EDIL3: variants seen among roughly 807,000 people sequenced by gnomAD.
EDIL3 encodes EGF like and discoidin domains 3.
EDIL3 carries 37 observed loss-of-function variants against 67.4 expected under a neutral mutation model. That is an observed-to-expected ratio of 0.55 (90% CI 0.42 to 0.72). The LOEUF (loss-of-function observed/expected upper bound fraction) is 0.72, where lower values mean the gene tolerates loss of function less well. Ranked by LOEUF, EDIL3 falls within the 30% of genes least tolerant of loss-of-function variation. The pLI is 0.00. For synonymous variants in EDIL3, 195 were observed against 196.3 expected, an observed-to-expected ratio of 0.99 and a Z score of 0.05; for missense variants, 527 against 586.3, an observed-to-expected ratio of 0.90 and a Z score of 1.04.
intron 6 of EDIL3, among the ~76,000 whole-genome samples, chr5:84,097,486 T>C (rs1427214951): frequency 6.6e-6 from 1 of 152,210 alleles, no homozygotes; most frequent in African/African-American, 2.4e-5. Context: ...TGTTTGGATA[T>C]AATATAATTC....
chr5:84,276,935 C>G (rs1260133593), intron 1 of EDIL3, among the ~76,000 whole-genome samples: 1 of 152,080 alleles, frequency 6.6e-6, no homozygotes, highest in Non-Finnish European at 1.5e-5. Flanking sequence ...ATAGCACACT[C>G]AAAGAATAAA....
At chr5:83,970,364 T>A (rs1580258351) in intron 9 of EDIL3, among the ~76,000 whole-genome samples, 1 of 148,218 alleles carries the variant, frequency 6.7e-6, no homozygotes, top group East Asian at 2.0e-4. Context: ...TATAGTATCA[T>A]ATGTGGTTTC....
chr5:84,370,398 G>C (rs537228409), intron 1 of EDIL3, among the ~76,000 whole-genome samples: 46 of 152,312 alleles, frequency 3.0e-4, no homozygotes, highest in Non-Finnish European at 5.1e-4. Context: ...TGCATGGTGG[G>C]AGGAGGGAAA....
chr5:84,382,083 T>A (rs1338532834), intron 1 of EDIL3, among the ~76,000 whole-genome samples: 2 of 152,166 alleles, frequency 1.3e-5, no homozygotes, highest in Middle Eastern at 3.2e-3. Flanking sequence ...TCTGCAGAGG[T>A]GAGGGAGAAA....
At chr5:84,289,119 A>G (rs1745866610) in intron 1 of EDIL3, among the ~76,000 whole-genome samples, 1 of 152,134 alleles carries the variant, frequency 6.6e-6, no homozygotes, top group Admixed American at 6.5e-5. Context: ...AATAGTTTCC[A>G]TCTAGATTTC....
At chr5:84,349,336 C>T (rs1027320277) in intron 1 of EDIL3, among the ~76,000 whole-genome samples, 4 of 152,174 alleles carry the variant, frequency 2.6e-5, no homozygotes, top group East Asian at 3.9e-4. Flanking sequence ...TTTCTCCTTC[C>T]AAGAGCTAGA....
intron 1 of EDIL3, among the ~76,000 whole-genome samples, chr5:84,340,415 T>G (rs1747076897): frequency 6.6e-6 from 1 of 150,894 alleles, no homozygotes; most frequent in Non-Finnish European, 1.5e-5. Context: ...TTTAAATTAG[T>G]TGACATATGT....
At chr5:84,237,673 C>T (rs1744706939) in intron 2 of EDIL3, among the ~76,000 whole-genome samples, 1 of 151,934 alleles carries the variant, frequency 6.6e-6, no homozygotes, top group Non-Finnish European at 1.5e-5. Flanking sequence ...TAAATAAAGT[C>T]CATAATCCTA....
intron 9 of EDIL3, among the ~76,000 whole-genome samples, chr5:84,000,931 A>T (rs957715788): frequency 3.3e-5 from 5 of 152,002 alleles, no homozygotes; most frequent in Non-Finnish European, 5.9e-5. Flanking sequence ...ATTTTTTGAA[A>T]CAAAAGAAAA....
intron 9 of EDIL3, among the ~76,000 whole-genome samples, chr5:84,021,232 TA>T (rs1290369640): frequency 6.6e-6 from 1 of 152,080 alleles, no homozygotes; most frequent in East Asian, 1.9e-4. Flanking sequence ...GTTCTGCTTT[TA>T]TCTTCATCAT....
chr5:84,160,094 G>C (rs1035375924), intron 4 of EDIL3, among the ~76,000 whole-genome samples: 6 of 152,100 alleles, frequency 3.9e-5, no homozygotes, highest in African/African-American at 1.4e-4. Context: ...TGTGATAAAA[G>C]GGTTCTGCTT....
chr5:84,293,168 ACTTAGATTTATCATGC>A (rs1745963488), intron 1 of EDIL3, among the ~76,000 whole-genome samples: 1 of 152,164 alleles, frequency 6.6e-6, no homozygotes, highest in Non-Finnish European at 1.5e-5. Flanking sequence ...GGCTGCCAGT[ACTTAGATTTATCATGC>A]CTTGAAAATG....
chr5:84,237,009 A>C (rs1313345937), intron 2 of EDIL3, among the ~76,000 whole-genome samples: 1 of 152,058 alleles, frequency 6.6e-6, no homozygotes, highest in African/African-American at 2.4e-5. Context: ...ATGCTGTTTA[A>C]TGTCACTAGA....
At chr5:84,210,686 A>C (rs1436134570) in intron 3 of EDIL3, among the ~76,000 whole-genome samples, 3 of 152,314 alleles carry the variant, frequency 2.0e-5, no homozygotes, top group African/African-American at 4.8e-5. Context: ...CACTGAAATC[A>C]AAGTTAGTTA....
chr5:84,211,074 T>C (rs1744108124), intron 3 of EDIL3, among the ~76,000 whole-genome samples: 1 of 152,186 alleles, frequency 6.6e-6, no homozygotes, highest in East Asian at 1.9e-4. Flanking sequence ...AAAAGTCTCA[T>C]TACAGATGTA....
At chr5:84,347,868 AT>A (rs1377800270) in intron 1 of EDIL3, among the ~76,000 whole-genome samples, 1 of 152,174 alleles carries the variant, frequency 6.6e-6, no homozygotes, top group Non-Finnish European at 1.5e-5. Flanking sequence ...GCCTGCATCC[AT>A]ATTATAAAGA....
At chr5:83,969,099 T>C (rs1744746769) in intron 9 of EDIL3, among the ~76,000 whole-genome samples, 1 of 151,798 alleles carries the variant, frequency 6.6e-6, no homozygotes, top group South Asian at 2.1e-4. Context: ...TGCAGGCAAT[T>C]AGTTTACTCT....
intron 4 of EDIL3, among the ~76,000 whole-genome samples, chr5:84,170,392 C>A (rs1162181196): frequency 6.6e-6 from 1 of 152,166 alleles, no homozygotes; most frequent in Non-Finnish European, 1.5e-5. Context: ...TTGACCTTGA[C>A]CTTAGACCAT....
Position 84,066,486 on chromosome 5 carries a change from C to T in EDIL3, c.772G>A (p.Ala258Thr). The T allele has an allele frequency of 1.9e-6, 3 of 1,612,360 alleles. No individual in the cohort carries two copies. The highest frequency in any genetic ancestry group is 2.5e-6 in the Non-Finnish European group (3 of 1,179,472). ...IAYSNDGKTW[A>T]MYKVKGTNED... ...TTGGTGCCTTTCACTTTGTACATTG[C>T]CCAAGTCTTTCCATCATTACTGTAG... Residue 258 changes from alanine (A) to threonine (T), a missense_variant, in exon 7 of 11, where the codon GCA (alanine) becomes ACA (threonine). This residue lies in a region of EDIL3 where 494 missense variants were observed against 522.5 expected (regional missense o/e 0.95). Coordinates refer to ENST00000296591, the MANE Select transcript of EDIL3 (RefSeq NM_005711.5).
Sources: allele counts gnomAD v4.1 joint callset (sites outside exome capture counted in the v4.1 genomes callset), GRCh38; gene constraint gnomAD v4.1.1; regional missense constraint gnomAD v4.1.1; transcripts MANE v1.5; gene names NCBI Gene and HGNC (gene_info 2026-07-23, HGNC 2026-07-21).